MEGF10: variants seen among roughly 807,000 people sequenced by gnomAD.
MEGF10 encodes multiple epidermal growth factor-like domains protein 10.
In MEGF10, 86 loss-of-function variants were observed where a neutral mutation model predicts 147.5. The ratio of observed to expected loss-of-function variants is 0.58; its 90% confidence interval spans 0.49 to 0.70. MEGF10 has a LOEUF of 0.70. Ranked by LOEUF, MEGF10 falls within the 30% of genes least tolerant of loss-of-function variation. The probability of loss-of-function intolerance (pLI) is 0.00; values close to 1 mark genes in which losing one functional copy is unlikely to be tolerated. For missense variants in MEGF10, 1,329 were observed against 1,487.3 expected (o/e 0.89, Z 1.75); for synonymous variants, 478 against 525.5 (o/e 0.91, Z 1.24).
At chr5:127,278,110 TC>T in the MEGF10 span, among the ~76,000 whole-genome samples, 1 of 151,694 alleles carries the variant, frequency 6.6e-6, no homozygotes, top group Non-Finnish European at 1.5e-5. Context: ...AGAAAAGTGA[TC>T]CAATGACTGA....
intron 1 of MEGF10, among the ~76,000 whole-genome samples, chr5:127,309,140 A>G (rs1243683227): frequency 6.6e-6 from 1 of 152,224 alleles, no homozygotes; most frequent in Non-Finnish European, 1.5e-5. Context: ...CTTGTGATCC[A>G]TGGAAGAATT....
At chr5:127,288,507 A>T (rs1313328217), upstream of MEGF10, among the ~76,000 whole-genome samples, 1 of 152,202 alleles carries the variant, frequency 6.6e-6, no homozygotes, top group Non-Finnish European at 1.5e-5. Flanking sequence ...CACCATCATT[A>T]GTCAGTAAGG....
chr5:127,457,322 C>G lies in MEGF10; in HGVS notation c.*4C>G, dbSNP rs73783802. ...CAGCAGCAGCAGCAGTGAATGACAC[C>G]AAAGGACCGCTTGGTAGCCACTGGA... On this transcript the variant is annotated 3_prime_UTR_variant, in exon 25 of 25. Coordinates refer to ENST00000503335, the MANE Select transcript of MEGF10 (RefSeq NM_001256545.2). 1.0e-3 allele frequency: 1,619 copies of G among 1,611,640 alleles called. 17 individuals carry two copies. The African/African-American group carries it at 0.019, about 19-fold the overall frequency.
the MEGF10 span, among the ~76,000 whole-genome samples, chr5:127,281,068 G>A: frequency 1.3e-5 from 2 of 152,166 alleles, no homozygotes; most frequent in Non-Finnish European, 2.9e-5. Context: ...AGTGTCCAGG[G>A]CTGAAGGCAT....
At chr5:127,338,590 G>C (rs1038540167) in intron 2 of MEGF10, among the ~76,000 whole-genome samples, 1 of 152,106 alleles carries the variant, frequency 6.6e-6, no homozygotes, top group African/African-American at 2.4e-5. Context: ...TTTAGTTGTT[G>C]TATACTGTAT....
intron 5 of MEGF10, among the ~76,000 whole-genome samples, chr5:127,371,081 C>G (rs1436624220): frequency 6.6e-6 from 1 of 152,088 alleles, no homozygotes; most frequent in African/African-American, 2.4e-5. Context: ...GACTTGTGAT[C>G]TCTTGGCTCT....
rs1470905087 is a variant in MEGF10, at chr5:127,367,140, T to A, written c.320-2770T>A. On this transcript the variant is annotated intron_variant, in intron 4 of 24. Coordinates refer to ENST00000503335, the MANE Select transcript of MEGF10 (RefSeq NM_001256545.2). ...AACTACAATTAAAACCAAAGTTTAATCTCCAGCTTCTATGGTGTATATCAA... is the reference window on the plus strand; with the variant it reads ...AACTACAATTAAAACCAAAGTTTAAACTCCAGCTTCTATGGTGTATATCAA... 2.6e-5 allele frequency among the ~76,000 whole-genome samples: 4 copies of A among 152,110 alleles called. No homozygotes were observed. In the East Asian group the frequency reaches 5.8e-4, roughly 22 times the overall value.
intron 9 of MEGF10, among the ~76,000 whole-genome samples, chr5:127,411,519 T>C (rs191398592): frequency 2.0e-5 from 3 of 152,286 alleles, no homozygotes; most frequent in Non-Finnish European, 4.4e-5. Flanking sequence ...CTTTAAACCA[T>C]TGTTAGTAAC....
intron 4 of MEGF10, among the ~76,000 whole-genome samples, chr5:127,362,080 T>A (rs1357641652): frequency 6.6e-6 from 1 of 152,122 alleles, no homozygotes; most frequent in Non-Finnish European, 1.5e-5. Context: ...CTTATTTTCT[T>A]TTTAATAGTT....
At chr5:127,382,911 T>C (rs367781808) in intron 5 of MEGF10, among the ~76,000 whole-genome samples, 3 of 152,266 alleles carry the variant, frequency 2.0e-5, no homozygotes. Context: ...CACCATCAGA[T>C]TGGCAATGGT....
At chr5:127,404,624 G>A (rs17165090) in intron 8 of MEGF10, among the ~76,000 whole-genome samples, 35,123 of 151,980 alleles carry the variant, frequency 0.23, 4,610 homozygotes, top group African/African-American at 0.37. Flanking sequence ...CTGGATGTGT[G>A]TGTAGGATTT....
chr5:127,273,756 A>G, the MEGF10 span, among the ~76,000 whole-genome samples: 3 of 152,212 alleles, frequency 2.0e-5, no homozygotes, highest in Non-Finnish European at 4.4e-5. Context: ...ATTTGATAGC[A>G]TGCTTTTCGT....
intron 13 of MEGF10, among the ~76,000 whole-genome samples, chr5:127,430,427 G>T (rs577031279): frequency 1.3e-5 from 2 of 152,284 alleles, no homozygotes; most frequent in East Asian, 3.9e-4. Flanking sequence ...ATATTTCATT[G>T]CAGGGTTATC....
At chr5:127,246,943 T>TATTATACAATAATATATAC in the MEGF10 span, among the ~76,000 whole-genome samples, 1 of 2,984 alleles carries the variant, frequency 3.4e-4, no homozygotes, top group African/African-American at 1.3e-3. Context: ...TATGATTATA[T>TATTATACAATAATATATAC]TATATATAAT....
chr5:127,442,729 A>G (rs1028922954), intron 18 of MEGF10, among the ~76,000 whole-genome samples: 4 of 152,264 alleles, frequency 2.6e-5, no homozygotes, highest in Admixed American at 2.0e-4. Flanking sequence ...CTCCATATAC[A>G]CATCATAGAG....
intron 23 of MEGF10, among the ~76,000 whole-genome samples, chr5:127,455,107 TA>T (rs1207110538): frequency 6.6e-6 from 1 of 152,040 alleles, no homozygotes; most frequent in Non-Finnish European, 1.5e-5. Flanking sequence ...TGAACTTCTG[TA>T]AATTTTCTAT....
the MEGF10 span, among the ~76,000 whole-genome samples, chr5:127,278,724 G>A: frequency 6.6e-6 from 1 of 152,216 alleles, no homozygotes; most frequent in African/African-American, 2.4e-5. Context: ...AGCTGTAGTT[G>A]CAGAAGTTTG....
chr5:127,346,846 A>AT (rs1387048995), intron 4 of MEGF10, among the ~76,000 whole-genome samples: 3 of 152,072 alleles, frequency 2.0e-5, no homozygotes, highest in Non-Finnish European at 4.4e-5. Context: ...CAGATTTTGG[A>AT]TTTTTTTGAG....
chr5:127,292,644 C>A (rs977556062), intron 1 of MEGF10, among the ~76,000 whole-genome samples: 1 of 152,120 alleles, frequency 6.6e-6, no homozygotes, highest in East Asian at 1.9e-4. Flanking sequence ...TATGGCAGAG[C>A]TGGAATTTAT....
Sources: gnomAD v4.1 joint callset for allele counts (sites outside exome capture counted in the v4.1 genomes callset) on GRCh38, gnomAD v4.1.1 for gene constraint, MANE v1.5 for transcripts, NCBI Gene and HGNC (gene_info 2026-07-23, HGNC 2026-07-21) for gene names.